TMC2: variants seen among roughly 807,000 people sequenced by gnomAD.
The protein encoded by TMC2 is transmembrane channel-like protein 2.
Under a neutral mutation model 105.9 loss-of-function variants are expected in TMC2, and 102 were observed. That is an observed-to-expected ratio of 0.96 (90% CI 0.82 to 1.14). The LOEUF is 1.14. Among genes scored for constraint, TMC2 ranks in the 50% most tolerant of loss-of-function variants. The pLI is 0.00. For missense variants in TMC2, 1,093 were observed against 1,134.3 expected (o/e 0.96, Z 0.52); for synonymous variants, 402 against 422.8 (o/e 0.95, Z 0.60).
chr20:2,636,081 C>A, intron 18 of TMC2, 77 bp downstream of exon 18: 2 of 1,251,526 alleles, frequency 1.6e-6, no homozygotes, highest in Non-Finnish European at 2.3e-6. Context: ...GCTGTGTGAG[C>A]CCAGCTGTGT....
intron 2 of TMC2, among the ~76,000 whole-genome samples, chr20:2,539,375 C>T (rs372157578): frequency 6.6e-6 from 1 of 152,278 alleles, no homozygotes; most frequent in African/African-American, 2.4e-5. Flanking sequence ...TAAATTACAG[C>T]AGGAATTACA....
intron 7 of TMC2, among the ~76,000 whole-genome samples, chr20:2,589,948 C>T (rs2086257939): frequency 1.3e-5 from 2 of 152,196 alleles, no homozygotes; most frequent in Non-Finnish European, 2.9e-5. Flanking sequence ...GGATTACAGG[C>T]ATGAGCCACC....
intron 5 of TMC2, among the ~76,000 whole-genome samples, chr20:2,573,970 T>C (rs2086124309): frequency 1.3e-5 from 2 of 152,212 alleles, no homozygotes; most frequent in South Asian, 4.1e-4. Flanking sequence ...GAACTAGCCA[T>C]CCTAGAACAG....
intron 4 of TMC2, among the ~76,000 whole-genome samples, chr20:2,571,085 C>T (rs1568509114): frequency 6.6e-6 from 1 of 152,062 alleles, no homozygotes; most frequent in East Asian, 1.9e-4. Context: ...TGGATATTGG[C>T]CTTGGGAAAG....
At chr20:2,584,515 T>G (rs1451556308) in intron 7 of TMC2, among the ~76,000 whole-genome samples, 1 of 151,094 alleles carries the variant, frequency 6.6e-6, no homozygotes, top group African/African-American at 2.4e-5. Context: ...AAAAATGAAA[T>G]ATTACACACA....
At chr20:2,613,444 TGTAGAGTA>T in intron 14 of TMC2, 122 bp downstream of exon 14, 1 of 1,390,284 alleles carries the variant, frequency 7.2e-7, no homozygotes, top group Non-Finnish European at 1.0e-6. Context: ...GTCTCTGCTC[TGTAGAGTA>T]GTAAAGTGTT....
At chr20:2,561,804 G>A in intron 3 of TMC2, 54 bp from the exon 4 acceptor site, 1 of 1,580,172 alleles carries the variant, frequency 6.3e-7, no homozygotes, top group Non-Finnish European at 8.6e-7. Flanking sequence ...CAGCACCTGA[G>A]GACACCACCT....
intron 7 of TMC2, among the ~76,000 whole-genome samples, chr20:2,590,573 A>C (rs940512746): frequency 3.9e-5 from 6 of 152,080 alleles, no homozygotes; most frequent in Admixed American, 2.6e-4. Flanking sequence ...TAAATGGTGA[A>C]AAATACTAAA....
chr20:2,638,586 A>G (rs1681675080), intron 19 of TMC2, among the ~76,000 whole-genome samples: 3 of 152,246 alleles, frequency 2.0e-5, no homozygotes, highest in Non-Finnish European at 4.4e-5. Context: ...TGACAGCTCC[A>G]TGTGTGTTAT....
intron 4 of TMC2, among the ~76,000 whole-genome samples, chr20:2,568,997 C>T (rs1345542827): frequency 6.6e-6 from 1 of 152,148 alleles, no homozygotes; most frequent in Non-Finnish European, 1.5e-5. Context: ...GCAATAGCAG[C>T]CAGACACACA....
chr20:2,574,630 A>G (rs1051081613), intron 5 of TMC2, among the ~76,000 whole-genome samples: 2 of 152,208 alleles, frequency 1.3e-5, no homozygotes, highest in African/African-American at 4.8e-5. Context: ...CTGAAACTTG[A>G]TCATTTCATT....
rs376127837 is a variant in TMC2 at position 2,580,029 on chromosome 20, A to G, written c.807A>G (p.Leu269=). Residue 269 remains leucine, a synonymous_variant, in exon 7 of 20, where the codon TTA becomes TTG. Transcript: ENST00000358864. ...GAGTTAACCTTGTCCTTTTTGGCTT[A>G]ATATTTGGTCTAGTCATAATCCCAG... is the stretch of plus-strand genomic sequence containing the variant. The part of the protein sequence containing the change: ...MYGVNLVLFG[L]IFGLVIIPEV... 87 of 1,613,288 alleles carry G rather than the reference A, an allele frequency of 5.4e-5. No homozygotes were observed. The highest frequency in any genetic ancestry group is 4.5e-4 in the Admixed American group (27 of 59,992).
At chr20:2,574,159 G>C (rs937262922) in intron 5 of TMC2, among the ~76,000 whole-genome samples, 3 of 152,176 alleles carry the variant, frequency 2.0e-5, no homozygotes, top group Admixed American at 2.0e-4. Context: ...ATTGGAAATA[G>C]ATAATTAGGT....
chr20:2,601,624 T>G (rs1338016657), intron 10 of TMC2, among the ~76,000 whole-genome samples: 1 of 152,128 alleles, frequency 6.6e-6, no homozygotes, highest in Non-Finnish European at 1.5e-5. Context: ...GCAGATCACC[T>G]AAGGTCAGGA....
intron 7 of TMC2, among the ~76,000 whole-genome samples, chr20:2,590,225 G>T (rs984074104): frequency 2.6e-5 from 4 of 152,044 alleles, no homozygotes; most frequent in African/African-American, 9.7e-5. Flanking sequence ...AACAATAAAT[G>T]AGTAAAATAT....
intron 4 of TMC2, among the ~76,000 whole-genome samples, chr20:2,568,218 G>A (rs893083374): frequency 6.6e-6 from 1 of 152,160 alleles, no homozygotes; most frequent in African/African-American, 2.4e-5. Context: ...CTAAAAACTT[G>A]TAGGCAGTCA....
chr20:2,559,329 T>G (rs2086009008), intron 3 of TMC2, among the ~76,000 whole-genome samples: 1 of 152,172 alleles, frequency 6.6e-6, no homozygotes, highest in African/African-American at 2.4e-5. Context: ...GAGGTTTTAT[T>G]TGTTTTGCCT....
intron 17 of TMC2, among the ~76,000 whole-genome samples, chr20:2,634,535 G>A (rs1029130409): frequency 6.6e-6 from 1 of 152,196 alleles, no homozygotes; most frequent in African/African-American, 2.4e-5. Context: ...GGATTGCCTT[G>A]TGCCCTCCTG....
chr20:2,580,097 C>A, intron 7 of TMC2, 41 bp downstream of exon 7: 3 of 1,234,690 alleles, frequency 2.4e-6, no homozygotes, highest in Non-Finnish European at 2.4e-6. Context: ...AGAGTTAAGG[C>A]TTATGACCAC....
Sources: gnomAD v4.1 joint callset for allele counts (sites outside exome capture counted in the v4.1 genomes callset) on GRCh38, gnomAD v4.1.1 for gene constraint, MANE v1.5 for transcripts, NCBI Gene and HGNC (gene_info 2026-07-23, HGNC 2026-07-21) for gene names.